The following DSC1 variants were observed in gnomAD, a reference collection of about 807,000 sequenced individuals.
DSC1 encodes desmocollin-1.
In DSC1, 79 loss-of-function variants were observed where a neutral mutation model predicts 98.8. The ratio of observed to expected loss-of-function variants is 0.80; its 90% CI spans 0.67 to 0.96. DSC1 has a LOEUF of 0.96. DSC1 is among the 50% of genes least tolerant of loss of function. DSC1 has a pLI of 0.00. For missense variants in DSC1, 1,115 were observed against 1,075.9 expected (o/e 1.04, Z -0.51); for synonymous variants, 405 against 372.1 (o/e 1.09, Z -1.02).
chr18:31,157,209 C>G (rs1989115090), intron 3 of DSC1, among the ~76,000 whole-genome samples, 162 bp downstream of exon 3: 1 of 152,164 alleles, frequency 6.6e-6, no homozygotes, highest in African/African-American at 2.4e-5. Flanking sequence ...CTCTGCCACT[C>G]CTTAAAAGTC....
rs774155683 is a variant in DSC1, at chr18:31,143,803, G to A, written c.940-12C>T. The stretch of plus-strand genomic sequence containing the variant: ...TAAGTATCACATTTCTGAAAAAAAG[G>A]AAAAAACTACATTAATGAACACTTT... On this transcript the variant is annotated splice_polypyrimidine_tract_variant and intron_variant, in intron 7 of 15. Coordinates refer to ENST00000257198, the MANE Select transcript of DSC1 (RefSeq NM_024421.2). 1 of 1,538,010 alleles carries A rather than the reference G, an allele frequency of 6.5e-7. No individual in the cohort carries two copies. Among genetic ancestry groups the A allele is most frequent in the Non-Finnish European group, 8.7e-7 (1 of 1,146,600 alleles).
In DSC1 at chr18:31,139,744, T is replaced by C; in HGVS notation, c.1663+4A>G. 6.3e-7 allele frequency: 1 copy of C among 1,575,738 alleles called. No individual in the cohort carries two copies. Among genetic ancestry groups the C allele is most frequent in the Non-Finnish European group, 8.6e-7 (1 of 1,164,130 alleles). On this transcript the variant is annotated splice_donor_region_variant and intron_variant, in intron 11 of 15. Transcript: ENST00000257198. The stretch of plus-strand genomic sequence containing the variant: ...ATATTTTATCTGTAGAAAATGGCAC[T>C]CACCTGCATCCACTGCAACAACTGA...
intron 4 of DSC1, among the ~76,000 whole-genome samples, chr18:31,155,220 C>G (rs1387183993): frequency 6.6e-6 from 1 of 152,056 alleles, no homozygotes; most frequent in Non-Finnish European, 1.5e-5. Flanking sequence ...TTATTCTTAT[C>G]TTCATATAAA....
rs763041106 is a variant in DSC1, at chr18:31,134,734, C to T, written c.1714G>A (p.Asp572Asn). 1.9e-6 allele frequency: 3 copies of T among 1,613,116 alleles called. No individual in the cohort carries two copies. The highest frequency in any genetic ancestry group is 2.5e-6 in the Non-Finnish European group (3 of 1,179,438). Residue 572 changes from aspartate (D) to asparagine (N), a missense_variant, in exon 12 of 16, where the codon GAT (aspartate) becomes AAT (asparagine). By Grantham distance (23) the Asp-to-Asn change is conservative. Transcript: ENST00000257198. ...TCTTTGTCAATTTGAGGTGCGTGAT[C>T]GTTGTAATCATCCAAATGAACTACT... ...TLVVHLDDYNDHAPQIDKEVT... is the reference protein window; with the variant it reads ...TLVVHLDDYNNHAPQIDKEVT...
intron 5 of DSC1, among the ~76,000 whole-genome samples, chr18:31,152,606 G>T (rs1989022788): frequency 6.6e-6 from 1 of 152,004 alleles, no homozygotes; most frequent in South Asian, 2.1e-4. Flanking sequence ...GGTATCACTG[G>T]TATTACGGCA....
rs1156865908 is a variant in DSC1 at position 31,132,644 on chromosome 18, T to C, written c.2162A>G (p.Lys721Arg). Reference protein sequence around the residue: ...CFCVTAKRTVKKCFPEDIAQQ... With the variant: ...CFCVTAKRTVRKCFPEDIAQQ... ...GGCTATGTCTTCTGGAAAACATTTC[T>C]TGACTGTTCTCTTAGCAGTGACACA... Residue 721 changes from lysine (K) to arginine (R), a missense_variant, in exon 14 of 16, where the codon AAG becomes AGG. Transcript: ENST00000257198. 1 of 1,613,566 alleles carries C rather than the reference T, an allele frequency of 6.2e-7. No individual in the cohort carries two copies. The highest frequency in any genetic ancestry group is 1.1e-5 in the South Asian group (1 of 91,072).
At chr18:31,146,128 T>G (rs1988841059) in intron 6 of DSC1, among the ~76,000 whole-genome samples, 1 of 152,172 alleles carries the variant, frequency 6.6e-6, no homozygotes, top group Non-Finnish European at 1.5e-5. Flanking sequence ...ACATGCGGGT[T>G]TGTTACAGGG....
chr18:31,134,839 A>G, intron 11 of DSC1, 55 bp from the exon 12 acceptor site: 1 of 1,486,868 alleles, frequency 6.7e-7, no homozygotes, highest in Non-Finnish European at 9.2e-7. Context: ...TTTATTTTCA[A>G]CAATTTATAA....
In DSC1 at chr18:31,146,369, T is replaced by C. The variant is rs114953044; in HGVS notation, c.773-592A>G. 7.8e-3 allele frequency among the ~76,000 whole-genome samples: 1,186 copies of C among 152,308 alleles called. 15 individuals are homozygous for C. The highest frequency in any genetic ancestry group is 0.027 in the African/African-American group (1,131 of 41,556). ...CTTTCTGTTTGTGTGTTAATTTGCT[T>C]AGGATAATGACCTCCAGTTGCATCT... On this transcript the variant is annotated intron_variant, in intron 6 of 15. Transcript: ENST00000257198.
At chr18:31,135,006 A>G (rs1988579927) in intron 11 of DSC1, among the ~76,000 whole-genome samples, 1 of 152,114 alleles carries the variant, frequency 6.6e-6, no homozygotes, top group Admixed American at 6.6e-5. Context: ...GCTTTTCAAA[A>G]CTAAAAGGTA....
At position 31,159,047 on chromosome 18, in the gene DSC1, G is replaced by GTTTTTTTTTTTTTTTTT. The variant is rs560889140; in HGVS notation, c.148+381_148+397dup. ...TTTAACTTCAAGTAGCTACTATGTG[G>GTTTTTTTTTTTTTTTTT]TTTTTTTTTTTTTTTTTGAGACAGA... On this transcript the variant is annotated intron_variant, in intron 2 of 15. Coordinates refer to ENST00000257198, the MANE Select transcript of DSC1 (RefSeq NM_024421.2). Among the ~76,000 whole-genome samples the GTTTTTTTTTTTTTTTTT allele has an allele frequency of 1.6e-3, 112 of 71,040 alleles. 22 individuals carry two copies. The highest frequency in any genetic ancestry group is 5.5e-3 in the African/African-American group (94 of 17,162). The allele number at this position is 71,040 out of a possible 152,430, so 46.6% of individuals were successfully genotyped here. A position where few individuals can be genotyped will look rare whatever the true frequency, so the allele number is the denominator to read the frequency against.
At position 31,140,020 on chromosome 18, in the gene DSC1, AGCTT is replaced by A. The variant is rs1567998416; in HGVS notation, c.1520+18_1520+21del. ...ATTTACATCACAATTAAAATTAAGGAGCTTTTTGAAAAGTACATCACCTTAAGCC... is the reference window on the plus strand; with the variant it reads ...ATTTACATCACAATTAAAATTAAGGATTTGAAAAGTACATCACCTTAAGCC... On this transcript the variant is annotated intron_variant, in intron 10 of 15. Coordinates refer to ENST00000257198, the MANE Select transcript of DSC1 (RefSeq NM_024421.2). 5.0e-6 allele frequency: 8 copies of A among 1,584,734 alleles called. No individual in the cohort carries two copies. The East Asian group carries it at 1.8e-4, about 36-fold the overall frequency.
Position 31,130,351 on chromosome 18 carries a change from C to A in DSC1, c.*163G>T. ...TTTCTAGAGAACATGGAAGTTATAC[C>A]AGACAAGGAGAATGTAGGGGAATCT... is the stretch of plus-strand genomic sequence containing the variant. On this transcript the variant is annotated 3_prime_UTR_variant, in exon 16 of 16. Transcript: ENST00000257198. 1 of 719,146 alleles carries A rather than the reference C, an allele frequency of 1.4e-6. No individual in the cohort carries two copies. Among genetic ancestry groups the A allele is most frequent in the South Asian group, 2.0e-5 (1 of 50,860 alleles). 44.5% of individuals were successfully genotyped at this position (719,146 alleles called of 1,614,324 possible).
At position 31,143,662 on chromosome 18, in the gene DSC1, T is replaced by C. The variant is rs1281952300; in HGVS notation, c.1069A>G (p.Thr357Ala). 1.3e-5 allele frequency: 21 copies of C among 1,574,574 alleles called. No individual in the cohort carries two copies. The highest frequency in any genetic ancestry group is 1.7e-5 in the Non-Finnish European group (20 of 1,161,056). ...ENDNPPSFTETSYVTEVEENR... is the reference protein window; with the variant it reads ...ENDNPPSFTEASYVTEVEENR... ...GAATAGAGAGGTATACTCACAGAAG[T>C]TTCTGTGAAAGATGGTGGATTGTCA... Residue 357 changes from threonine to alanine, a missense_variant, in exon 8 of 16, where the codon ACT (threonine) becomes GCT (alanine). Physicochemically the swap from Thr to Ala is moderately conservative, Grantham distance 58. Transcript: ENST00000257198.
chr18:31,141,153 C>T (rs1212189734), intron 9 of DSC1, among the ~76,000 whole-genome samples: 2 of 151,464 alleles, frequency 1.3e-5, no homozygotes, highest in Non-Finnish European at 2.9e-5. Context: ...CATGTGAAAA[C>T]AAACTAATAC....
At chr18:31,145,525 G>T in intron 7 of DSC1, 86 bp downstream of exon 7, 5 of 1,472,030 alleles carry the variant, frequency 3.4e-6, no homozygotes, top group Non-Finnish European at 3.7e-6. Flanking sequence ...AAGGAGGCCA[G>T]ACTGGCCATA....
intron 1 of DSC1, 63 bp from the exon 2 acceptor site, chr18:31,159,592 G>T: frequency 7.0e-7 from 1 of 1,420,726 alleles, no homozygotes; most frequent in Non-Finnish European, 9.5e-7. Context: ...TCACATTGTA[G>T]CTTTTTCTTA....
intron 13 of DSC1, 79 bp downstream of exon 13, chr18:31,133,812 T>C: frequency 7.1e-7 from 1 of 1,412,106 alleles, no homozygotes. Flanking sequence ...GCTATTAATA[T>C]AAAAAACTTC....
Position 31,157,493 on chromosome 18 carries a change from T to G in DSC1, c.229A>C (p.Ile77Leu). 8 of 1,614,236 alleles carry G rather than the reference T, an allele frequency of 5.0e-6. No individual in the cohort carries two copies. The highest frequency in any genetic ancestry group is 6.8e-6 in the Non-Finnish European group (8 of 1,180,038). Residue 77 changes from isoleucine (I) to leucine (L), a missense_variant, in exon 3 of 16, where the codon ATT becomes CTT. Coordinates refer to ENST00000257198, the MANE Select transcript of DSC1 (RefSeq NM_024421.2). ...AAAATGAGGTCATGTGTTGTGTAAA[T>G]TGAGCCATCTTCTAGAATTCTGAAG... ...PAFRILEDGS[I>L]YTTHDLILSS... is the part of the protein sequence containing the mutation.
Sources: gnomAD v4.1 joint callset for allele counts (sites outside exome capture counted in the v4.1 genomes callset) on GRCh38, gnomAD v4.1.1 for gene constraint, MANE v1.5 for transcripts, NCBI Gene and HGNC (gene_info 2026-07-23, HGNC 2026-07-21) for gene names.